TPO: variants seen among roughly 807,000 people sequenced by gnomAD.
TPO encodes thyroid microsomal antigen.
In TPO, 78 loss-of-function variants were observed where a neutral mutation model predicts 96.9. The observed-to-expected ratio is 0.81, with a 90% CI of 0.67 to 0.97. The LOEUF (loss-of-function observed/expected upper bound fraction) is 0.97. Ranked by LOEUF, TPO falls within the 50% of genes least tolerant of loss-of-function variation. TPO has a pLI of 0.00. For synonymous variants in TPO, 547 were observed against 538.0 expected (o/e 1.02, Z -0.23); for missense variants, 1,252 against 1,274.8 (o/e 0.98, Z 0.27).
intron 10 of TPO, among the ~76,000 whole-genome samples, chr2:1,490,757 A>G (rs895057551): frequency 1.3e-5 from 2 of 152,346 alleles, no homozygotes; most frequent in Middle Eastern, 6.8e-3. Flanking sequence ...TCTGAGGATA[A>G]ATCAGATAAA....
intron 15 of TPO, among the ~76,000 whole-genome samples, chr2:1,537,046 C>CAACCTTCCCAAACCCCCCACAGTTTGA (rs1679875372): frequency 5.2e-5 from 1 of 19,236 alleles, no homozygotes; most frequent in African/African-American, 7.2e-4. Context: ...CCACTGTGTG[C>CAACCTTCCCAAACCCCCCACAGTTTGA]AACCTCCCCA....
intron 7 of TPO, among the ~76,000 whole-genome samples, chr2:1,457,684 G>A (rs1166000025): frequency 1.3e-5 from 2 of 151,902 alleles, no homozygotes; most frequent in Non-Finnish European, 2.9e-5. Flanking sequence ...ATATGATAGT[G>A]TGTGGGCAGA....
chr2:1,522,648 T>A (rs1458087961), intron 15 of TPO, among the ~76,000 whole-genome samples: 2 of 152,068 alleles, frequency 1.3e-5, no homozygotes, highest in Non-Finnish European at 2.9e-5. Flanking sequence ...CTCCTTATCA[T>A]CTCAACCTGG....
chr2:1,423,646 A>C (rs1384658051), intron 3 of TPO, among the ~76,000 whole-genome samples: 1 of 152,180 alleles, frequency 6.6e-6, no homozygotes, highest in Non-Finnish European at 1.5e-5. Flanking sequence ...AAAACAAAAA[A>C]CAAAAAACCT....
chr2:1,407,314 G>A (rs1451463035), intron 1 of TPO, among the ~76,000 whole-genome samples: 1 of 152,178 alleles, frequency 6.6e-6, no homozygotes, highest in East Asian at 1.9e-4. Flanking sequence ...CCTGAAGTTT[G>A]TTACTGGCAG....
At chr2:1,476,929 G>A (rs988919723) in intron 7 of TPO, among the ~76,000 whole-genome samples, 157 bp from the exon 8 acceptor site, 3 of 152,138 alleles carry the variant, frequency 2.0e-5, no homozygotes, top group Admixed American at 1.3e-4. Context: ...CAGGCCGGGG[G>A]GGGAGGTGAG....
At chr2:1,395,857 A>G (rs1225489800) in intron 1 of TPO, among the ~76,000 whole-genome samples, 1 of 152,198 alleles carries the variant, frequency 6.6e-6, no homozygotes, top group Admixed American at 6.5e-5. Flanking sequence ...GCCTGCCGCC[A>G]TGTAAGAGGT....
In TPO at chr2:1,456,056, A is replaced by G; in HGVS notation, c.613-20A>G. 6.2e-7 allele frequency: 1 copy of G among 1,611,820 alleles called. No individual in the cohort carries two copies. Among genetic ancestry groups the G allele is most frequent in the Non-Finnish European group, 8.5e-7 (1 of 1,178,900 alleles). ...CACAGGGTCCTCCTATGTCCTGACC[A>G]ATGGTCTCTTCCTACCCAGGTCCGG... On this transcript the variant is annotated intron_variant, in intron 6 of 16. Coordinates refer to ENST00000329066, the MANE Select transcript of TPO (RefSeq NM_001206744.2).
chr2:1,505,589 TTTG>T (rs753983263), intron 14 of TPO, among the ~76,000 whole-genome samples: 86 of 143,740 alleles, frequency 6.0e-4, no homozygotes, highest in East Asian at 8.8e-4. Flanking sequence ...CCCCACTCCT[TTTG>T]TTGTTGTTGT....
chr2:1,537,279 C>CT (rs1679967340), intron 15 of TPO, among the ~76,000 whole-genome samples: 1 of 122,516 alleles, frequency 8.2e-6, no homozygotes. Context: ...TGCAACCTCC[C>CT]CAAATCCCCC....
At position 1,422,329 on chromosome 2, in the gene TPO, G is replaced by GCGCCGCGCTGGACCGACCTCGTGCAGC. The variant is rs796601069; in HGVS notation, c.95-712_95-711insGCGCTGGACCGACCTCGTGCAGCCGCC. On this transcript the variant is annotated intron_variant, in intron 2 of 16. Transcript: ENST00000329066. Reference sequence around the variant, plus strand: ...CCTCTCCTGGACAGACCTCGTGCAGGCGCCTCTCCTGGACCGACCTCGTGC... The same window carrying GCGCCGCGCTGGACCGACCTCGTGCAGC: ...CCTCTCCTGGACAGACCTCGTGCAGGCGCCGCGCTGGACCGACCTCGTGCAGCCGCCTCTCCTGGACCGACCTCGTGC... Among the ~76,000 whole-genome samples, 57 of 83,504 alleles carry GCGCCGCGCTGGACCGACCTCGTGCAGC rather than the reference G, an allele frequency of 6.8e-4. 1 individual carries two copies. Among genetic ancestry groups the GCGCCGCGCTGGACCGACCTCGTGCAGC allele is most frequent in the Admixed American group, 2.0e-3 (17 of 8,430 alleles). The allele number at this position is 83,504 out of a possible 152,430, so 54.8% of individuals were successfully genotyped here.
intron 4 of TPO, 61 bp from the exon 5 acceptor site, chr2:1,436,191 A>C (rs1665550732): frequency 1.2e-6 from 2 of 1,613,226 alleles, no homozygotes; most frequent in African/African-American, 2.7e-5. Flanking sequence ...CTGCAATAGA[A>C]TATTTGTTAG....
intron 11 of TPO, among the ~76,000 whole-genome samples, chr2:1,495,739 C>T (rs138222446): frequency 0.01 from 1,595 of 152,194 alleles, 29 homozygotes; most frequent in African/African-American, 0.036. Flanking sequence ...TCTGGGCAGA[C>T]GCCACAGGGT....
At chr2:1,495,674 A>G (rs1183691459) in intron 11 of TPO, among the ~76,000 whole-genome samples, 1 of 152,176 alleles carries the variant, frequency 6.6e-6, no homozygotes, top group African/African-American at 2.4e-5. Context: ...CTGCCCCTCC[A>G]CATCTCCTTC....
At chr2:1,468,539 C>A (rs1669108187) in intron 7 of TPO, among the ~76,000 whole-genome samples, 1 of 152,190 alleles carries the variant, frequency 6.6e-6, no homozygotes, top group Non-Finnish European at 1.5e-5. Flanking sequence ...GGGTCCCAAT[C>A]CCTTCTAGCT....
chr2:1,442,998 G>A (rs950500114), intron 5 of TPO, among the ~76,000 whole-genome samples: 4 of 152,338 alleles, frequency 2.6e-5, no homozygotes, highest in Non-Finnish European at 5.9e-5. Context: ...CACTTTCGGA[G>A]GCTGAGGTCG....
chr2:1,414,766 A>T (rs1011904558), intron 2 of TPO, among the ~76,000 whole-genome samples: 1 of 152,182 alleles, frequency 6.6e-6, no homozygotes, highest in Admixed American at 6.5e-5. Context: ...CTGAAAAAAA[A>T]ATTCTTTGGG....
intron 14 of TPO, among the ~76,000 whole-genome samples, chr2:1,509,603 A>T (rs1558383376): frequency 6.9e-6 from 1 of 145,304 alleles, no homozygotes; most frequent in Non-Finnish European, 1.5e-5. Flanking sequence ...TGTTTCAGGC[A>T]CAGGATACCC....
intron 1 of TPO, among the ~76,000 whole-genome samples, chr2:1,378,028 T>C (rs1393040054): frequency 1.3e-5 from 2 of 152,230 alleles, no homozygotes; most frequent in Non-Finnish European, 2.9e-5. Context: ...TCACAAGATC[T>C]GATGGTTTTA....
Sources: gnomAD v4.1 joint callset for allele counts (sites outside exome capture counted in the v4.1 genomes callset) on GRCh38, gnomAD v4.1.1 for gene constraint, MANE v1.5 for transcripts, NCBI Gene and HGNC (gene_info 2026-07-23, HGNC 2026-07-21) for gene names.